HS3ST5: variants seen among roughly 807,000 people sequenced by gnomAD.
HS3ST5 encodes heparan sulfate glucosamine 3-O-sulfotransferase 5.
A neutral mutation model predicts 25.4 loss-of-function variants in HS3ST5; 10 were observed. The ratio of observed to expected loss-of-function variants is 0.39; its 90% CI spans 0.24 to 0.67. The LOEUF is 0.67. HS3ST5 is among the 30% of genes least tolerant of loss of function. The probability of loss-of-function intolerance (pLI) is 0.44; values close to 1 mark genes in which losing one functional copy is unlikely to be tolerated. For synonymous variants in HS3ST5, 170 were observed against 162.4 expected, an observed-to-expected ratio of 1.05 and a Z score of -0.36; for missense variants, 324 against 420.7, an observed-to-expected ratio of 0.77 and a Z score of 2.01.
chr6:114,295,227 C>T (rs1413816417), intron 1 of HS3ST5, among the ~76,000 whole-genome samples: 1 of 152,124 alleles, frequency 6.6e-6, no homozygotes, highest in Non-Finnish European at 1.5e-5. Flanking sequence ...AAATTTGAAT[C>T]AGAACTGTCT....
intron 3 of HS3ST5, among the ~76,000 whole-genome samples, chr6:114,132,647 C>A (rs1327346255): frequency 6.6e-6 from 1 of 152,080 alleles, no homozygotes; most frequent in Non-Finnish European, 1.5e-5. Flanking sequence ...AAGGTTTTGG[C>A]CAGATATAAG....
At chr6:114,315,126 A>G (rs1049886012) in intron 1 of HS3ST5, among the ~76,000 whole-genome samples, 2 of 152,206 alleles carry the variant, frequency 1.3e-5, no homozygotes, top group African/African-American at 4.8e-5. Flanking sequence ...AACACAGGAA[A>G]AATAGAGCCT....
intron 2 of HS3ST5, chr6:114,179,193 T>C (rs1440011074): frequency 6.6e-6 from 1 of 152,224 alleles, no homozygotes; most frequent in East Asian, 1.9e-4. Context: ...TCTGTTTTGC[T>C]CACTGCTGTA....
At position 114,322,339 on chromosome 6, in the gene HS3ST5, A is replaced by G. The variant is rs115774146; in HGVS notation, c.-339+19856T>C. Among the ~76,000 whole-genome samples the G allele has an allele frequency of 8.6e-3, 1,302 of 152,262 alleles. 23 individuals are homozygous for G. The highest frequency in any genetic ancestry group is 0.03 in the African/African-American group (1,247 of 41,560). ...AAAGTAGCTTAACCTTAGTTTTAAG[A>G]CCATACTAAAAATATTGTCTGCACA... On this transcript the variant is annotated intron_variant, in intron 1 of 4. Transcript: ENST00000312719.
At chr6:114,255,308 T>C (rs1772855510) in intron 1 of HS3ST5, among the ~76,000 whole-genome samples, 1 of 152,210 alleles carries the variant, frequency 6.6e-6, no homozygotes, top group East Asian at 1.9e-4. Context: ...CTTCCTATGG[T>C]CTTGGGAAGC....
chr6:114,116,920 G>A (rs1419575842), intron 3 of HS3ST5, among the ~76,000 whole-genome samples: 1 of 151,716 alleles, frequency 6.6e-6, no homozygotes, highest in South Asian at 2.1e-4. Context: ...TTAGACTAAC[G>A]CTTCTTGGCA....
intron 2 of HS3ST5, among the ~76,000 whole-genome samples, chr6:114,186,079 A>G (rs761767073): frequency 4.5e-4 from 69 of 152,064 alleles, no homozygotes; most frequent in Non-Finnish European, 7.5e-4. Flanking sequence ...CATTCCCCCT[A>G]TCTCGCTTCC....
intron 3 of HS3ST5, among the ~76,000 whole-genome samples, chr6:114,148,686 G>A (rs190142913): frequency 6.8e-4 from 103 of 152,170 alleles, no homozygotes; most frequent in Non-Finnish European, 9.9e-4. Flanking sequence ...TAGGGATGCC[G>A]ACTTCATGAC....
Position 114,307,813 on chromosome 6 carries a change from A to G in HS3ST5, c.-339+34382T>C, listed in dbSNP as rs996361665. Among the ~76,000 whole-genome samples, 10 of 152,156 alleles carry G rather than the reference A, an allele frequency of 6.6e-5. No homozygotes were observed. In the East Asian group the frequency reaches 1.9e-3, roughly 29 times the overall value. ...AATGTGAGGTGAATTAAAATTTCTT[A>G]TCAATATATTATTATTTACCAGTTT... On this transcript the variant is annotated intron_variant, in intron 1 of 4. Transcript: ENST00000312719.
At chr6:114,115,973 G>C (rs1347604560) in intron 3 of HS3ST5, 1 of 151,972 alleles carries the variant, frequency 6.6e-6, no homozygotes, top group Non-Finnish European at 1.5e-5. Context: ...CATTAACAAT[G>C]AGCAGTTATT....
intron 1 of HS3ST5, among the ~76,000 whole-genome samples, chr6:114,290,808 T>C (rs1038721381): frequency 2.6e-5 from 4 of 151,714 alleles, no homozygotes; most frequent in African/African-American, 9.7e-5. Context: ...AAAAAGGAGA[T>C]GGTTTTATGT....
chr6:114,081,177 A>G (rs1377142549), intron 3 of HS3ST5, among the ~76,000 whole-genome samples: 1 of 152,160 alleles, frequency 6.6e-6, no homozygotes, highest in Admixed American at 6.5e-5. Flanking sequence ...GCCCGAAATA[A>G]TTACAGTAGT....
chr6:114,190,030 A>G (rs1178695238), intron 2 of HS3ST5, among the ~76,000 whole-genome samples: 1 of 152,220 alleles, frequency 6.6e-6, no homozygotes, highest in African/African-American at 2.4e-5. Flanking sequence ...AAGTCCAGTG[A>G]GGAAGAAAGC....
intron 3 of HS3ST5, among the ~76,000 whole-genome samples, chr6:114,064,243 G>T (rs1038377627): frequency 2.0e-5 from 3 of 152,158 alleles, no homozygotes; most frequent in Non-Finnish European, 4.4e-5. Context: ...TTGAGTGATT[G>T]ATCTATTCAT....
intron 3 of HS3ST5, among the ~76,000 whole-genome samples, chr6:114,155,035 T>C (rs1370269746): frequency 6.6e-6 from 1 of 152,200 alleles, no homozygotes; most frequent in African/African-American, 2.4e-5. Context: ...ATGCATTCTG[T>C]GCACTGCCAT....
intron 3 of HS3ST5, among the ~76,000 whole-genome samples, chr6:114,145,039 A>G (rs1778086101): frequency 6.6e-6 from 1 of 152,096 alleles, no homozygotes; most frequent in Admixed American, 6.5e-5. Context: ...TTGTGCTCCA[A>G]CTTCACTCCA....
intron 1 of HS3ST5, among the ~76,000 whole-genome samples, chr6:114,311,492 A>G (rs1160776337): frequency 6.7e-6 from 1 of 149,206 alleles, no homozygotes; most frequent in African/African-American, 2.5e-5. Context: ...AATTGTTACC[A>G]CTTAAAATGA....
At chr6:114,069,372 G>C (rs1167257572) in intron 3 of HS3ST5, among the ~76,000 whole-genome samples, 1 of 151,674 alleles carries the variant, frequency 6.6e-6, no homozygotes, top group African/African-American at 2.4e-5. Flanking sequence ...AAACTGAGCA[G>C]ACATAAGTAG....
intron 3 of HS3ST5, among the ~76,000 whole-genome samples, chr6:114,072,759 C>G (rs993853918): frequency 2.0e-5 from 3 of 151,928 alleles, no homozygotes; most frequent in Non-Finnish European, 4.4e-5. Flanking sequence ...ATCAAGCTAC[C>G]AATAACTTTC....
Sources: allele counts gnomAD v4.1 joint callset (sites outside exome capture counted in the v4.1 genomes callset), GRCh38; gene constraint gnomAD v4.1.1; transcripts MANE v1.5; gene names NCBI Gene and HGNC (gene_info 2026-07-23, HGNC 2026-07-21).